Variants in NAA11 observed in about 807,000 individuals in gnomAD.
NAA11 encodes the protein N-alpha-acetyltransferase 11, NatA catalytic subunit, also known as N-alpha-acetyltransferase 11.
Under a neutral mutation model 16.1 loss-of-function variants are expected in NAA11, and 15 were observed. The ratio of observed to expected loss-of-function variants is 0.93; its 90% CI spans 0.62 to 1.44. The LOEUF (loss-of-function observed/expected upper bound fraction) is 1.44, where lower values mean the gene tolerates loss of function less well. NAA11 is among the 40% of genes most tolerant of loss of function. The pLI is 0.00. For synonymous variants in NAA11, 122 were observed against 112.4 expected (o/e 1.09, Z -0.54); for missense variants, 298 against 291.3 (o/e 1.02, Z -0.17).
the NAA11 span, among the ~76,000 whole-genome samples, chr4:79,176,845 A>T: frequency 1.3e-5 from 2 of 152,194 alleles, no homozygotes; most frequent in African/African-American, 4.8e-5. Context: ...GCACGTCCCA[A>T]GGACAAGAGA....
downstream of NAA11, among the ~76,000 whole-genome samples, chr4:79,316,325 G>GA (rs1383683473): frequency 2.0e-5 from 3 of 152,180 alleles, no homozygotes; most frequent in African/African-American, 7.2e-5. Context: ...GGAAAAGATG[G>GA]AAAGATAGAT....
intron 2 of NAA11, among the ~76,000 whole-genome samples, chr4:79,243,394 C>T (rs932232059): frequency 6.6e-5 from 10 of 152,270 alleles, no homozygotes; most frequent in Admixed American, 1.3e-4. Flanking sequence ...CCCACATATG[C>T]GCTTACACCA....
chr4:79,325,903 G>A lies in NAA11; in HGVS notation c.-26C>T. The A allele has an allele frequency of 6.3e-7, 1 of 1,580,002 alleles. No individual in the cohort carries two copies. The highest frequency in any genetic ancestry group is 8.6e-7 in the Non-Finnish European group (1 of 1,161,630). On this transcript the variant is annotated 5_prime_UTR_variant, in exon 1 of 2. Transcript: ENST00000286794. ...AATGGCAGAGGGTAGGGAACCGGTTGGACTGCAGTGAACCCAGAAGAGGCT... is the reference window on the plus strand; with the variant it reads ...AATGGCAGAGGGTAGGGAACCGGTTAGACTGCAGTGAACCCAGAAGAGGCT...
Position 79,326,002 on chromosome 4 carries a change from G to T in NAA11, c.-125C>A. 1 of 774,208 alleles carries T rather than the reference G, an allele frequency of 1.3e-6. No homozygotes were observed. The highest frequency in any genetic ancestry group is 2.1e-6 in the Non-Finnish European group (1 of 480,580). The allele number at this position is 774,208 out of a possible 1,614,324, so 48.0% of individuals were successfully genotyped here. A position where few individuals can be genotyped will look rare whatever the true frequency, so the allele number is the denominator to read the frequency against. ...GGCTAACACCACCGGGCTGAATCGT[G>T]TGGAGGGCGGATGGCGGGAAGGCGG... On this transcript the variant is annotated 5_prime_UTR_variant, in exon 1 of 2. Coordinates refer to ENST00000286794, the MANE Select transcript of NAA11 (RefSeq NM_032693.3).
chr4:79,211,186 G>A, the NAA11 span, among the ~76,000 whole-genome samples: 1 of 152,208 alleles, frequency 6.6e-6, no homozygotes, highest in South Asian at 2.1e-4. Context: ...GAGACTGAGG[G>A]AAAAGAGGTA....
the NAA11 span, among the ~76,000 whole-genome samples, chr4:79,189,414 A>G: frequency 4.5e-4 from 68 of 152,262 alleles, 1 homozygote; most frequent in Non-Finnish European, 1.0e-4. Flanking sequence ...GAAAAAAGAC[A>G]ATTTAAAAAG....
At chr4:79,322,486 GGT>G (rs757206111) in intron 1 of NAA11, among the ~76,000 whole-genome samples, 32 of 87,744 alleles carry the variant, frequency 3.6e-4, no homozygotes, top group South Asian at 1.6e-3. Context: ...CAGTTTTATA[GGT>G]GTGTGTGTGT....
At chr4:79,173,437 C>T in the NAA11 span, among the ~76,000 whole-genome samples, 1 of 152,126 alleles carries the variant, frequency 6.6e-6, no homozygotes, top group South Asian at 2.1e-4. Context: ...TTCACAAGAT[C>T]CTTGTGTGTC....
At chr4:79,277,097 C>G (rs1247557913) in intron 2 of NAA11, among the ~76,000 whole-genome samples, 1 of 152,094 alleles carries the variant, frequency 6.6e-6, no homozygotes, top group Non-Finnish European at 1.5e-5. Flanking sequence ...ACCTTCATCC[C>G]AAACAACACT....
At chr4:79,168,462 G>T in the NAA11 span, among the ~76,000 whole-genome samples, 1 of 152,176 alleles carries the variant, frequency 6.6e-6, no homozygotes, top group Admixed American at 6.5e-5. Context: ...TTCCACAATG[G>T]TTGAACTAAT....
intron 2 of NAA11, among the ~76,000 whole-genome samples, chr4:79,279,776 C>G (rs921850168): frequency 6.6e-6 from 1 of 152,068 alleles, no homozygotes; most frequent in Admixed American, 6.6e-5. Flanking sequence ...TCACTGTTTT[C>G]TAAAGTGTTA....
intron 2 of NAA11, among the ~76,000 whole-genome samples, chr4:79,236,593 A>G (rs1327823416): frequency 6.6e-6 from 1 of 152,164 alleles, no homozygotes; most frequent in Non-Finnish European, 1.5e-5. Context: ...AATTTGAAAA[A>G]AATTTATGAG....
chr4:79,194,169 C>A, the NAA11 span, among the ~76,000 whole-genome samples: 1 of 147,390 alleles, frequency 6.8e-6, no homozygotes, highest in Non-Finnish European at 1.5e-5. Context: ...CATCTGCAAA[C>A]AGGGACAATT....
At chr4:79,233,682 G>A (rs1721512721) in intron 2 of NAA11, among the ~76,000 whole-genome samples, 1 of 151,974 alleles carries the variant, frequency 6.6e-6, no homozygotes, top group Admixed American at 6.6e-5. Context: ...GTGGACTATA[G>A]TTTGCCTCTG....
chr4:79,312,101 G>A (rs528954429), downstream of NAA11, among the ~76,000 whole-genome samples: 27 of 152,130 alleles, frequency 1.8e-4, no homozygotes, highest in Non-Finnish European at 3.5e-4. Context: ...ATGCAAAAAC[G>A]TCTTGATTGC....
At chr4:79,232,260 A>T (rs900581677) in intron 2 of NAA11, among the ~76,000 whole-genome samples, 1 of 151,950 alleles carries the variant, frequency 6.6e-6, no homozygotes, top group Non-Finnish European at 1.5e-5. Flanking sequence ...GAAAATTTCC[A>T]TAATAAAAGT....
chr4:79,166,926 T>C, the NAA11 span, among the ~76,000 whole-genome samples: 7 of 146,466 alleles, frequency 4.8e-5, no homozygotes, highest in Admixed American at 1.4e-4. Context: ...TCATCTGATC[T>C]TTATCATCTG....
chr4:79,222,810 C>T (rs1721221840), downstream of NAA11, among the ~76,000 whole-genome samples: 1 of 151,868 alleles, frequency 6.6e-6, no homozygotes, highest in Non-Finnish European at 1.5e-5. Context: ...AAAAAACAAA[C>T]AACCCCATCA....
intron 1 of NAA11, among the ~76,000 whole-genome samples, chr4:79,324,410 A>G (rs564964035): frequency 1.6e-4 from 24 of 152,340 alleles, no homozygotes; most frequent in African/African-American, 5.5e-4. Flanking sequence ...CAATGTCCAT[A>G]GCAGTTGAGT....
Sources: gnomAD v4.1 joint callset for allele counts (sites outside exome capture counted in the v4.1 genomes callset) on GRCh38, gnomAD v4.1.1 for gene constraint, MANE v1.5 for transcripts, NCBI Gene and HGNC (gene_info 2026-07-23, HGNC 2026-07-21) for gene names.